Variants in DOCK3 observed in about 807,000 individuals in gnomAD.
DOCK3 encodes dedicator of cytokinesis 3, also known as dedicator of cytokinesis protein 3.
Under a neutral mutation model 265.6 loss-of-function variants are expected in DOCK3, and 60 were observed. The observed-to-expected ratio is 0.23, with a 90% confidence interval of 0.18 to 0.28. DOCK3 has a LOEUF of 0.28. DOCK3 is among the 10% of genes least tolerant of loss of function. The probability of loss-of-function intolerance (pLI) is 1.00; values close to 1 mark genes in which losing one functional copy is unlikely to be tolerated. For missense variants in DOCK3, 1,981 were observed against 2,594.3 expected (o/e 0.76, Z 5.14); for synonymous variants, 881 against 938.0 (o/e 0.94, Z 1.11).
intron 11 of DOCK3, 84 bp downstream of exon 11, chr3:51,159,388 C>T: frequency 7.8e-7 from 1 of 1,285,872 alleles, no homozygotes; most frequent in Admixed American, 1.7e-5. Context: ...TTGTTTTCTC[C>T]CTAGATCTTA....
chr3:51,276,660 C>A (rs2080833933), intron 25 of DOCK3, among the ~76,000 whole-genome samples: 1 of 152,116 alleles, frequency 6.6e-6, no homozygotes, highest in Non-Finnish European at 1.5e-5. Flanking sequence ...GACAATGAAA[C>A]TGAAGCTCAA....
chr3:51,339,972 G>C (rs1216574956), intron 37 of DOCK3, among the ~76,000 whole-genome samples: 1 of 152,140 alleles, frequency 6.6e-6, no homozygotes, highest in East Asian at 1.9e-4. Flanking sequence ...GCATAGCTTG[G>C]CAAGAATTAA....
At chr3:51,336,300 T>A (rs2110034698) in intron 35 of DOCK3, among the ~76,000 whole-genome samples, 1 of 152,216 alleles carries the variant, frequency 6.6e-6, no homozygotes, top group South Asian at 2.1e-4. Flanking sequence ...AGTAACTATA[T>A]TTCCCAGGTT....
At chr3:51,287,827 G>A (rs2081495261) in intron 27 of DOCK3, among the ~76,000 whole-genome samples, 1 of 152,272 alleles carries the variant, frequency 6.6e-6, no homozygotes, top group South Asian at 2.1e-4. Context: ...AAAGACACAT[G>A]CACATGTATG....
rs369068607 is a variant in DOCK3, at chr3:50,695,835, CTG to C, written c.37+20537_37+20538del. On this transcript the variant is annotated intron_variant, in intron 1 of 52. Coordinates refer to ENST00000266037, the MANE Select transcript of DOCK3 (RefSeq NM_004947.5). ...CTTCAGCTGAATTCAATTTAAAAGA[CTG>C]TAATTGAGCAAAGAATGATTCACAA... 3.4e-3 allele frequency among the ~76,000 whole-genome samples: 524 copies of C among 152,310 alleles called. 5 individuals are homozygous for C. The highest frequency in any genetic ancestry group is 0.012 in the African/African-American group (511 of 41,566).
intron 1 of DOCK3, among the ~76,000 whole-genome samples, chr3:50,713,411 A>G (rs925623735): frequency 6.6e-6 from 1 of 152,182 alleles, no homozygotes; most frequent in African/African-American, 2.4e-5. Flanking sequence ...AGTATGGATA[A>G]TGGGAAGAAG....
chr3:50,884,215 T>G (rs988401518), intron 3 of DOCK3, among the ~76,000 whole-genome samples: 13 of 152,006 alleles, frequency 8.6e-5, no homozygotes, highest in Non-Finnish European at 1.6e-4. Context: ...CTCAGCCTCC[T>G]GATTAGCTAG....
At chr3:51,034,747 A>C (rs2080190858) in intron 5 of DOCK3, among the ~76,000 whole-genome samples, 1 of 152,122 alleles carries the variant, frequency 6.6e-6, no homozygotes, top group Non-Finnish European at 1.5e-5. Flanking sequence ...GTTCAGTATA[A>C]AAACTTTAGC....
chr3:51,121,839 C>A (rs1339975054), intron 9 of DOCK3, among the ~76,000 whole-genome samples: 1 of 152,088 alleles, frequency 6.6e-6, no homozygotes, highest in Non-Finnish European at 1.5e-5. Context: ...TTGCTAGTAT[C>A]CAATCCAAGA....
rs528787949 is a variant in DOCK3, at chr3:50,691,920, T to G, written c.37+16620T>G. 1.8e-4 allele frequency among the ~76,000 whole-genome samples: 27 copies of G among 151,416 alleles called. No individual in the cohort carries two copies. In the East Asian group the frequency reaches 2.7e-3, roughly 15 times the overall value. ...TTTAAAAGTCAATCTAAAAAGTTTT[T>G]TTTTTTTTTTTTTGAGACAGAGTCT... On this transcript the variant is annotated intron_variant, in intron 1 of 52. Transcript: ENST00000266037.
At chr3:50,770,049 A>G (rs899611853) in intron 1 of DOCK3, among the ~76,000 whole-genome samples, 1 of 152,186 alleles carries the variant, frequency 6.6e-6, no homozygotes, top group Non-Finnish European at 1.5e-5. Context: ...CTGGAACAGG[A>G]CAAGGATGCC....
At chr3:51,037,353 G>A (rs987034595) in intron 5 of DOCK3, among the ~76,000 whole-genome samples, 1 of 151,972 alleles carries the variant, frequency 6.6e-6, no homozygotes, top group Non-Finnish European at 1.5e-5. Context: ...TTGGTTACAT[G>A]AGTTAGTTCT....
At chr3:50,733,573 T>C (rs4688702) in intron 1 of DOCK3, among the ~76,000 whole-genome samples, 137,882 of 152,270 alleles carry the variant, frequency 0.91, 62,589 homozygotes, top group African/African-American at 0.95. Flanking sequence ...TTGGATGGAA[T>C]ATCTTTTTCC....
At chr3:50,925,058 T>C (rs1022317056) in intron 4 of DOCK3, among the ~76,000 whole-genome samples, 2 of 151,988 alleles carry the variant, frequency 1.3e-5, no homozygotes, top group Non-Finnish European at 2.9e-5. Context: ...CTTTATTCTA[T>C]CTCCATTCTG....
chr3:50,716,507 G>C (rs918576271), intron 1 of DOCK3, among the ~76,000 whole-genome samples: 3 of 151,436 alleles, frequency 2.0e-5, no homozygotes, highest in African/African-American at 7.3e-5. Flanking sequence ...CAGCCTGGGC[G>C]ACAGAGCGAG....
chr3:50,743,047 TAAAG>T (rs1210162006), intron 1 of DOCK3, among the ~76,000 whole-genome samples: 1 of 152,032 alleles, frequency 6.6e-6, no homozygotes, highest in African/African-American at 2.4e-5. Flanking sequence ...TCAACATTCT[TAAAG>T]AAAAGAATTT....
At chr3:51,069,796 A>C (rs1234069918) in intron 6 of DOCK3, among the ~76,000 whole-genome samples, 1 of 152,214 alleles carries the variant, frequency 6.6e-6, no homozygotes, top group African/African-American at 2.4e-5. Flanking sequence ...TGTTATATGC[A>C]GAAAATATCC....
At chr3:50,705,562 C>T (rs1238813816) in intron 1 of DOCK3, among the ~76,000 whole-genome samples, 10 of 152,088 alleles carry the variant, frequency 6.6e-5, no homozygotes, top group South Asian at 2.1e-4. Context: ...ACTACAGGCA[C>T]GCACCACCAG....
At chr3:50,761,809 G>A (rs1289214308) in intron 1 of DOCK3, among the ~76,000 whole-genome samples, 3 of 152,130 alleles carry the variant, frequency 2.0e-5, no homozygotes, top group Admixed American at 1.3e-4. Flanking sequence ...ACATGCACAT[G>A]TATGTTTATT....
Sources: gnomAD v4.1 joint callset for allele counts (sites outside exome capture counted in the v4.1 genomes callset) on GRCh38, gnomAD v4.1.1 for gene constraint, MANE v1.5 for transcripts, NCBI Gene and HGNC (gene_info 2026-07-23, HGNC 2026-07-21) for gene names.